ALCAM: variants seen among roughly 807,000 people sequenced by gnomAD.
ALCAM encodes CD166 antigen.
Under a neutral mutation model 70.9 loss-of-function variants are expected in ALCAM, and 30 were observed. The ratio of observed to expected loss-of-function variants is 0.42; its 90% CI spans 0.32 to 0.57. The LOEUF (loss-of-function observed/expected upper bound fraction) is 0.57, where lower values mean the gene tolerates loss of function less well. Among genes scored for constraint, ALCAM ranks in the 20% least tolerant of loss-of-function variants. The pLI is 0.11. For synonymous variants in ALCAM, 249 were observed against 242.5 expected (o/e 1.03, Z -0.25); for missense variants, 591 against 695.1 (o/e 0.85, Z 1.68).
At chr3:105,382,007 C>T (rs1180568712) in intron 1 of ALCAM, among the ~76,000 whole-genome samples, 1 of 150,600 alleles carries the variant, frequency 6.6e-6, no homozygotes, top group Non-Finnish European at 1.5e-5. Context: ...GTTACATATG[C>T]ATACATGTGC....
At chr3:105,405,207 G>A (rs1465603933) in intron 1 of ALCAM, among the ~76,000 whole-genome samples, 1 of 149,958 alleles carries the variant, frequency 6.7e-6, no homozygotes, top group Non-Finnish European at 1.5e-5. Flanking sequence ...AACCTGGGAG[G>A]TGGAGGTTGC....
rs141328839 is a variant in ALCAM at position 105,368,477 on chromosome 3, G to GT, written c.73+1006dup. ...TTTAGGGGATTTTTTTTTCTTTGAA[G>GT]TTTTTTTTTTCTATCCCTGCGTAGA... On this transcript the variant is annotated intron_variant, in intron 1 of 15. Transcript: ENST00000306107. 1.8e-3 allele frequency among the ~76,000 whole-genome samples: 270 copies of GT among 148,802 alleles called. 1 individual carries two copies. Among genetic ancestry groups the GT allele is most frequent in the Middle Eastern group, 6.9e-3 (2 of 290 alleles).
chr3:105,449,034 T>C (rs1289792208), intron 1 of ALCAM, among the ~76,000 whole-genome samples: 2 of 152,206 alleles, frequency 1.3e-5, no homozygotes, highest in East Asian at 1.9e-4. Flanking sequence ...TAAAACTTCA[T>C]AGCTGTGAAG....
intron 14 of ALCAM, among the ~76,000 whole-genome samples, chr3:105,565,513 T>A (rs1300960793): frequency 1.3e-5 from 2 of 152,234 alleles, no homozygotes; most frequent in African/African-American, 4.8e-5. Flanking sequence ...ATTATTATAC[T>A]AATGTTTTCC....
Position 105,372,475 on chromosome 3 carries a change from A to G in ALCAM, c.73+4994A>G, listed in dbSNP as rs912151016. ...TTATCATAGCCCATTACTGTAGTCTATGTTCCAAGAATGAAATTAGCTTTT... is the reference window on the plus strand; with the variant it reads ...TTATCATAGCCCATTACTGTAGTCTGTGTTCCAAGAATGAAATTAGCTTTT... On this transcript the variant is annotated intron_variant, in intron 1 of 15. Coordinates refer to ENST00000306107, the MANE Select transcript of ALCAM (RefSeq NM_001627.4). Among the ~76,000 whole-genome samples, 6 of 152,120 alleles carry G rather than the reference A, an allele frequency of 3.9e-5. No homozygotes were observed. In the East Asian group the frequency reaches 9.6e-4, roughly 24 times the overall value.
At chr3:105,427,843 A>G (rs916301488) in intron 1 of ALCAM, among the ~76,000 whole-genome samples, 32 of 151,922 alleles carry the variant, frequency 2.1e-4, no homozygotes, top group African/African-American at 7.0e-4. Context: ...CTATATGCAC[A>G]AAGTTCTTAC....
intron 14 of ALCAM, among the ~76,000 whole-genome samples, chr3:105,556,424 A>G (rs1353274539): frequency 2.0e-5 from 3 of 152,034 alleles, no homozygotes; most frequent in Non-Finnish European, 4.4e-5. Flanking sequence ...TTTTGCAGCT[A>G]TGGAACTCAA....
intron 1 of ALCAM, among the ~76,000 whole-genome samples, chr3:105,369,189 G>T (rs1935159315): frequency 1.3e-5 from 2 of 152,056 alleles, no homozygotes; most frequent in African/African-American, 4.8e-5. Context: ...TCTCACCCTC[G>T]TCCACACCCC....
intron 6 of ALCAM, among the ~76,000 whole-genome samples, chr3:105,538,392 A>C (rs973440176): frequency 7.9e-5 from 12 of 152,288 alleles, no homozygotes; most frequent in Non-Finnish European, 1.8e-4. Flanking sequence ...GTAAAATTCA[A>C]AGTCAGGGGC....
chr3:105,461,632 A>T (rs1937606512), intron 1 of ALCAM, among the ~76,000 whole-genome samples: 1 of 151,758 alleles, frequency 6.6e-6, no homozygotes, highest in African/African-American at 2.4e-5. Context: ...CATTGGCAAT[A>T]AACAAGGGAG....
intron 1 of ALCAM, chr3:105,439,530 A>G (rs1257938188): frequency 6.6e-6 from 1 of 152,212 alleles, no homozygotes; most frequent in Non-Finnish European, 1.5e-5. Flanking sequence ...AGATAAAGAA[A>G]TGGTCTAATT....
intron 1 of ALCAM, among the ~76,000 whole-genome samples, chr3:105,436,766 T>C (rs904812584): frequency 2.0e-5 from 3 of 152,200 alleles, no homozygotes; most frequent in African/African-American, 7.2e-5. Context: ...GCACATCTCT[T>C]GAGCTGGTCA....
chr3:105,496,389 G>A (rs1938737634), intron 1 of ALCAM, among the ~76,000 whole-genome samples: 1 of 152,160 alleles, frequency 6.6e-6, no homozygotes, highest in Non-Finnish European at 1.5e-5. Flanking sequence ...GTTACAGAGA[G>A]CTTTGCTTCT....
chr3:105,372,130 T>C (rs1359469609), intron 1 of ALCAM, among the ~76,000 whole-genome samples: 1 of 152,152 alleles, frequency 6.6e-6, no homozygotes, highest in Non-Finnish European at 1.5e-5. Flanking sequence ...TTACTTTTTT[T>C]ATTAGGGTAG....
chr3:105,404,956 C>T (rs1936185000), intron 1 of ALCAM, among the ~76,000 whole-genome samples: 1 of 152,104 alleles, frequency 6.6e-6, no homozygotes, highest in South Asian at 2.1e-4. Context: ...TCAGACGAAA[C>T]AAACTTTAAA....
At chr3:105,543,683 AGAGTCTTCATCAGAGCTTT>A (rs1463157077) in intron 8 of ALCAM, among the ~76,000 whole-genome samples, 1 of 151,672 alleles carries the variant, frequency 6.6e-6, no homozygotes, top group Admixed American at 6.6e-5. Flanking sequence ...ATGCACACAT[AGAGTCTTCATCAGAGCTTT>A]CAAAGTCCAT....
intron 1 of ALCAM, among the ~76,000 whole-genome samples, chr3:105,467,990 G>GC (rs1341535215): frequency 1.3e-5 from 2 of 151,096 alleles, no homozygotes; most frequent in Admixed American, 1.3e-4. Flanking sequence ...GTTGATTTTT[G>GC]CCCCATGAAA....
chr3:105,542,264 G>A (rs983548139), intron 8 of ALCAM, among the ~76,000 whole-genome samples: 2 of 151,742 alleles, frequency 1.3e-5, no homozygotes, highest in African/African-American at 2.4e-5. Context: ...CTATATAGAG[G>A]GGTAGGAAAT....
intron 14 of ALCAM, among the ~76,000 whole-genome samples, chr3:105,562,951 A>C (rs1559657851): frequency 6.6e-6 from 1 of 152,070 alleles, no homozygotes; most frequent in Non-Finnish European, 1.5e-5. Flanking sequence ...GATTACAGGC[A>C]TGCGCCACCA....
Sources: gnomAD v4.1 joint callset for allele counts (sites outside exome capture counted in the v4.1 genomes callset) on GRCh38, gnomAD v4.1.1 for gene constraint, MANE v1.5 for transcripts, NCBI Gene and HGNC (gene_info 2026-07-23, HGNC 2026-07-21) for gene names.